Variants in DNER observed in about 807,000 individuals in gnomAD.
DNER encodes delta and Notch-like epidermal growth factor-related receptor.
A neutral mutation model predicts 78.2 loss-of-function variants in DNER; 33 were observed. That is an observed-to-expected ratio of 0.42 (90% CI 0.32 to 0.56). The LOEUF is 0.56. Among genes scored for constraint, DNER ranks in the 20% least tolerant of loss-of-function variants. The pLI is 0.11. For synonymous variants in DNER, 417 were observed against 384.8 expected, an observed-to-expected ratio of 1.08 and a Z score of -0.98; for missense variants, 918 against 975.3, an observed-to-expected ratio of 0.94 and a Z score of 0.78.
At chr2:229,612,960 A>C (rs1338255952) in intron 1 of DNER, among the ~76,000 whole-genome samples, 3 of 152,242 alleles carry the variant, frequency 2.0e-5, no homozygotes, top group Admixed American at 6.5e-5. Flanking sequence ...TATTTCAGGC[A>C]AATGTACAAG....
chr2:229,431,787 A>C (rs1218572979), intron 8 of DNER, among the ~76,000 whole-genome samples: 1 of 150,712 alleles, frequency 6.6e-6, no homozygotes, highest in Non-Finnish European at 1.5e-5. Context: ...AAGTATAATA[A>C]TAATTAAAAA....
chr2:229,627,848 C>T (rs1228474124), intron 1 of DNER, among the ~76,000 whole-genome samples: 3 of 152,198 alleles, frequency 2.0e-5, no homozygotes, highest in South Asian at 2.1e-4. Flanking sequence ...AGTGAAATTG[C>T]ATCTATAGCC....
At chr2:229,563,932 TATC>T (rs1697033407) in intron 4 of DNER, among the ~76,000 whole-genome samples, 2 of 33,722 alleles carry the variant, frequency 5.9e-5, no homozygotes, top group African/African-American at 2.4e-4. Context: ...CCATCACCAT[TATC>T]ATCATCCTCA....
At chr2:229,510,555 C>T (rs1202802036) in intron 6 of DNER, among the ~76,000 whole-genome samples, 3 of 152,110 alleles carry the variant, frequency 2.0e-5, no homozygotes, top group African/African-American at 7.2e-5. Flanking sequence ...AAATGGAGAG[C>T]ATCAGAGGTG....
chr2:229,709,460 A>C (rs1461385155), intron 1 of DNER, among the ~76,000 whole-genome samples: 1 of 152,056 alleles, frequency 6.6e-6, no homozygotes, highest in Non-Finnish European at 1.5e-5. Context: ...TACATACTAC[A>C]ATGTGAGTTT....
chr2:229,511,555 A>T (rs1695864586), intron 6 of DNER, among the ~76,000 whole-genome samples: 2 of 152,262 alleles, frequency 1.3e-5, no homozygotes, highest in Admixed American at 6.5e-5. Flanking sequence ...GAAATGTTAA[A>T]AACTTCCCAT....
At chr2:229,360,049 A>G (rs1276515327) in intron 12 of DNER, among the ~76,000 whole-genome samples, 1 of 152,248 alleles carries the variant, frequency 6.6e-6, no homozygotes, top group Non-Finnish European at 1.5e-5. Flanking sequence ...TCTAGCCTGC[A>G]GTTTGTTCAC....
At chr2:229,512,561 CAG>C (rs953900225) in intron 6 of DNER, among the ~76,000 whole-genome samples, 3 of 151,950 alleles carry the variant, frequency 2.0e-5, no homozygotes, top group Non-Finnish European at 4.4e-5. Context: ...TTTGGGGACT[CAG>C]GGGGAAGGGT....
chr2:229,703,983 G>A (rs1486371653), intron 1 of DNER, among the ~76,000 whole-genome samples: 3 of 151,450 alleles, frequency 2.0e-5, no homozygotes, highest in East Asian at 1.9e-4. Context: ...TTTGCAAATC[G>A]CATATCAAGT....
At chr2:229,667,680 T>G (rs927061823) in intron 1 of DNER, among the ~76,000 whole-genome samples, 1 of 152,196 alleles carries the variant, frequency 6.6e-6, no homozygotes, top group African/African-American at 2.4e-5. Flanking sequence ...CTACCCCCAA[T>G]GCATTTTCTG....
At chr2:229,517,315 A>G (rs1029521765) in intron 5 of DNER, among the ~76,000 whole-genome samples, 19 of 152,192 alleles carry the variant, frequency 1.2e-4, no homozygotes, top group African/African-American at 4.3e-4. Flanking sequence ...TTGACTGACA[A>G]TGAATAAAAT....
intron 6 of DNER, among the ~76,000 whole-genome samples, chr2:229,505,251 A>G (rs1479922071): frequency 6.6e-6 from 1 of 150,378 alleles, no homozygotes; most frequent in African/African-American, 2.4e-5. Context: ...ACTAGAAGCT[A>G]AGCTAAAAGA....
chr2:229,433,379 T>A (rs1175206975), intron 8 of DNER, among the ~76,000 whole-genome samples: 1 of 152,086 alleles, frequency 6.6e-6, no homozygotes, highest in Non-Finnish European at 1.5e-5. Context: ...CTACCAGCCA[T>A]CGGCACATGG....
At chr2:229,393,221 A>G (rs1442613027) in intron 10 of DNER, among the ~76,000 whole-genome samples, 1 of 152,050 alleles carries the variant, frequency 6.6e-6, no homozygotes, top group African/African-American at 2.4e-5. Flanking sequence ...TGAGGTCAGG[A>G]GTTCGAGACT....
At chr2:229,518,058 C>T (rs775221224) in intron 5 of DNER, among the ~76,000 whole-genome samples, 3 of 152,188 alleles carry the variant, frequency 2.0e-5, no homozygotes, top group Admixed American at 6.5e-5. Context: ...AGACCCTGAA[C>T]GTAAGTAATC....
intron 5 of DNER, among the ~76,000 whole-genome samples, chr2:229,534,114 TAGATTGTAATGAAACAGGCCAAG>T (rs1696359020): frequency 6.6e-6 from 1 of 152,042 alleles, no homozygotes; most frequent in Non-Finnish European, 1.5e-5. Context: ...AACAGACCAA[TAGATTGTAATGAAACAGGCCAAG>T]AGATTGTAAT....
chr2:229,567,114 C>T (rs926897481), intron 4 of DNER, among the ~76,000 whole-genome samples: 1 of 152,248 alleles, frequency 6.6e-6, no homozygotes, highest in Admixed American at 6.5e-5. Flanking sequence ...CAACCTTCTG[C>T]CTACAAGGGG....
intron 1 of DNER, among the ~76,000 whole-genome samples, chr2:229,697,162 C>T (rs1699674924): frequency 2.0e-5 from 3 of 152,046 alleles, no homozygotes; most frequent in Admixed American, 6.5e-5. Context: ...TAGTATTCAG[C>T]CATAAAAAAG....
intron 12 of DNER, among the ~76,000 whole-genome samples, chr2:229,362,146 G>A (rs1177216516): frequency 2.0e-5 from 3 of 152,268 alleles, no homozygotes; most frequent in African/African-American, 4.8e-5. Context: ...GCCCCTCGAG[G>A]GGTGATGCAT....
Sources: allele counts gnomAD v4.1 joint callset (sites outside exome capture counted in the v4.1 genomes callset), GRCh38; gene constraint gnomAD v4.1.1; transcripts MANE v1.5; gene names NCBI Gene and HGNC (gene_info 2026-07-23, HGNC 2026-07-21).